FNIP1: variants seen among roughly 807,000 people sequenced by gnomAD.
FNIP1 encodes folliculin interacting protein 1.
Under a neutral mutation model 124.5 loss-of-function variants are expected in FNIP1, and 40 were observed. The observed-to-expected ratio is 0.32, with a 90% CI of 0.25 to 0.42. The LOEUF (loss-of-function observed/expected upper bound fraction) is 0.42, where lower values mean the gene tolerates loss of function less well. Ranked by LOEUF, FNIP1 falls within the 10% of genes least tolerant of loss-of-function variation. FNIP1 has a pLI of 1.00. For missense variants in FNIP1, 1,176 were observed against 1,403.7 expected, an observed-to-expected ratio of 0.84 and a Z score of 2.59; for synonymous variants, 472 against 470.6, an observed-to-expected ratio of 1.00 and a Z score of -0.04.
intron 1 of FNIP1, among the ~76,000 whole-genome samples, chr5:131,782,846 G>A (rs1452230376): frequency 6.6e-6 from 1 of 152,240 alleles, no homozygotes; most frequent in African/African-American, 2.4e-5. Flanking sequence ...GGCTAGGCCA[G>A]GCGTGGTGGT....
At chr5:131,734,732 C>T (rs1051815912) in intron 2 of FNIP1, among the ~76,000 whole-genome samples, 9 of 152,180 alleles carry the variant, frequency 5.9e-5, no homozygotes, top group African/African-American at 1.2e-4. Context: ...CACTGGCCAT[C>T]AGAGAGATGC....
rs377335556 is a variant in FNIP1 at position 131,742,816 on chromosome 5, AT to A, written c.219+1747del. On this transcript the variant is annotated intron_variant, in intron 2 of 17. Coordinates refer to ENST00000510461, the MANE Select transcript of FNIP1 (RefSeq NM_133372.3). ...CCATATATAGAACCCAGGACAAACA[AT>A]GAGTATTTCAATATGTACAGTAGTG... Among the ~76,000 whole-genome samples, 599 of 152,332 alleles carry A rather than the reference AT, an allele frequency of 3.9e-3. 10 individuals carry two copies. The highest frequency in any genetic ancestry group is 0.014 in the African/African-American group (581 of 41,574).
At chr5:131,695,644 G>A (rs571312418) in intron 11 of FNIP1, among the ~76,000 whole-genome samples, 1 of 152,068 alleles carries the variant, frequency 6.6e-6, no homozygotes, top group Non-Finnish European at 1.5e-5. Context: ...ATAATCTTCC[G>A]AGGCCTGGCA....
Position 131,672,791 on chromosome 5 carries a change from C to A in FNIP1, c.1653G>T (p.Thr551=), listed in dbSNP as rs145937053. 8 of 1,613,420 alleles carry A rather than the reference C, an allele frequency of 5.0e-6. No individual in the cohort carries two copies. The highest frequency in any genetic ancestry group is 6.8e-6 in the Non-Finnish European group (8 of 1,179,868). ...YFIRCSELQE[T]HLLENGEDEA... is the part of the protein sequence containing the mutation. ...CATCTTCTCCATTTTCTAAAAGATG[C>A]GTTTCTTGAAGTTCAGAGCATCTTA... Residue 551 remains threonine (T), a synonymous_variant, in exon 14 of 18, where the codon ACG becomes ACT. Transcript: ENST00000510461.
chr5:131,742,166 A>T (rs547361958), intron 2 of FNIP1, among the ~76,000 whole-genome samples: 42 of 152,330 alleles, frequency 2.8e-4, no homozygotes, highest in African/African-American at 1.0e-3. Context: ...GTTTTCAATA[A>T]AAGTTTTGGT....
At chr5:131,653,112 C>T (rs746373820) in intron 15 of FNIP1, among the ~76,000 whole-genome samples, 3 of 152,132 alleles carry the variant, frequency 2.0e-5, no homozygotes, top group Non-Finnish European at 4.4e-5. Flanking sequence ...TCATGAAGTG[C>T]TTTGCTGCCT....
At chr5:131,733,140 T>C (rs1770157654) in intron 2 of FNIP1, among the ~76,000 whole-genome samples, 2 of 152,158 alleles carry the variant, frequency 1.3e-5, no homozygotes, top group East Asian at 1.9e-4. Context: ...TGTCTGTTAT[T>C]GGTGTATAAG....
intron 3 of FNIP1, among the ~76,000 whole-genome samples, chr5:131,728,095 CG>C (rs1044969488): frequency 5.8e-4 from 88 of 152,184 alleles, no homozygotes; most frequent in African/African-American, 2.0e-3. Flanking sequence ...TGTTTCTCTC[CG>C]GCTGCCCTTA....
chr5:131,695,454 T>A (rs1390648810), intron 11 of FNIP1, among the ~76,000 whole-genome samples: 1 of 152,084 alleles, frequency 6.6e-6, no homozygotes, highest in African/African-American at 2.4e-5. Context: ...CTCTCAATAT[T>A]CCAGAAGAAA....
At chr5:131,731,511 G>T (rs1457512464) in intron 2 of FNIP1, among the ~76,000 whole-genome samples, 1 of 151,976 alleles carries the variant, frequency 6.6e-6, no homozygotes. Context: ...AAAATTAGCT[G>T]GGCATGGTGG....
intron 3 of FNIP1, among the ~76,000 whole-genome samples, chr5:131,724,734 G>T (rs1057489524): frequency 6.6e-6 from 1 of 152,150 alleles, no homozygotes; most frequent in Non-Finnish European, 1.5e-5. Flanking sequence ...TTTGGCTTTT[G>T]TTGCCATTGC....
intron 1 of FNIP1, among the ~76,000 whole-genome samples, chr5:131,769,448 G>A (rs1234712540): frequency 6.6e-6 from 1 of 152,110 alleles, no homozygotes; most frequent in Admixed American, 6.6e-5. Flanking sequence ...CTCTACATTA[G>A]TGGCATCCTA....
intron 15 of FNIP1, among the ~76,000 whole-genome samples, chr5:131,655,191 T>G (rs951215014): frequency 1.3e-5 from 2 of 152,126 alleles, no homozygotes; most frequent in Non-Finnish European, 2.9e-5. Flanking sequence ...TAAGAAAAGT[T>G]AGGCATGTCA....
At chr5:131,647,067 C>CA (rs766793005) in intron 17 of FNIP1, 23 bp downstream of exon 17, 2 of 1,607,972 alleles carry the variant, frequency 1.2e-6, no homozygotes, top group Non-Finnish European at 1.7e-6. Flanking sequence ...AAAGCAAAGC[C>CA]AAAAAAGAAA....
At chr5:131,708,952 T>C (rs1183993588) in intron 8 of FNIP1, among the ~76,000 whole-genome samples, 1 of 152,188 alleles carries the variant, frequency 6.6e-6, no homozygotes, top group Non-Finnish European at 1.5e-5. Flanking sequence ...CTTTTCTTCT[T>C]ATATTCACTA....
intron 11 of FNIP1, among the ~76,000 whole-genome samples, chr5:131,688,383 T>C (rs1357217025): frequency 6.6e-6 from 1 of 151,548 alleles, no homozygotes; most frequent in Non-Finnish European, 1.5e-5. Flanking sequence ...GGCTCCTAGC[T>C]AGGTTAATAT....
intron 6 of FNIP1, among the ~76,000 whole-genome samples, chr5:131,711,412 GA>G (rs1769287683): frequency 6.6e-6 from 1 of 152,208 alleles, no homozygotes; most frequent in South Asian, 2.1e-4. Context: ...TATGCTTCAT[GA>G]AAATAGTCTA....
intron 10 of FNIP1, among the ~76,000 whole-genome samples, chr5:131,700,753 G>T (rs1229779444): frequency 1.3e-5 from 2 of 151,472 alleles, no homozygotes. Flanking sequence ...AAAAAAAATA[G>T]TCTGAAAACT....
intron 15 of FNIP1, among the ~76,000 whole-genome samples, chr5:131,661,911 G>A (rs1384494022): frequency 1.3e-5 from 2 of 152,174 alleles, no homozygotes; most frequent in African/African-American, 4.8e-5. Flanking sequence ...TAGTGATTCT[G>A]GTGTACTTTT....
Sources: gnomAD v4.1 joint callset for allele counts (sites outside exome capture counted in the v4.1 genomes callset) on GRCh38, gnomAD v4.1.1 for gene constraint, MANE v1.5 for transcripts, NCBI Gene and HGNC (gene_info 2026-07-23, HGNC 2026-07-21) for gene names.